ZNF398: variants seen among roughly 807,000 people sequenced by gnomAD.
ZNF398 encodes zinc finger DNA binding protein ZER6.
ZNF398 carries 18 observed loss-of-function variants against 41.9 expected under a neutral mutation model. The ratio of observed to expected loss-of-function variants is 0.43; its 90% CI spans 0.30 to 0.64. The LOEUF is 0.64. ZNF398 is among the 30% of genes least tolerant of loss of function. The probability of loss-of-function intolerance (pLI) is 0.14; values close to 1 mark genes in which losing one functional copy is unlikely to be tolerated. For synonymous variants in ZNF398, 260 were observed against 308.8 expected (o/e 0.84, Z 1.66); for missense variants, 669 against 822.8 (o/e 0.81, Z 2.29).
At position 149,176,539 on chromosome 7, in the gene ZNF398, C is replaced by G. The variant is rs746302037; in HGVS notation, c.733C>G (p.Pro245Ala). 1 of 1,612,774 alleles carries G rather than the reference C, an allele frequency of 6.2e-7. No individual in the cohort carries two copies. The highest frequency in any genetic ancestry group is 2.2e-5 in the East Asian group (1 of 44,858). The change falls in exon 5 of 6, where the codon CCG becomes GCG. Residue 245 changes from proline to alanine, a missense_variant. Physicochemically the swap from Pro to Ala is conservative, Grantham distance 27 (BLOSUM62 -1). Transcript: ENST00000475153. ...QEEEPQVGAPPESKESDVYKS... is the reference protein window; with the variant it reads ...QEEEPQVGAPAESKESDVYKS... ...AGAAGAGCCTCAGGTTGGGGCCCCA[C>G]CGGAGTCCAAGGAGAGTGACGTGTA...
At chr7:149,137,688 C>T (rs62505074) in intron 2 of ZNF398, among the ~76,000 whole-genome samples, 88,377 of 151,970 alleles carry the variant, frequency 0.58, 27,309 homozygotes, top group East Asian at 0.9. Context: ...CATGTAGATA[C>T]TTTTTATCAT....
intron 2 of ZNF398, among the ~76,000 whole-genome samples, chr7:149,137,735 A>C (rs755485986): frequency 6.6e-6 from 1 of 152,080 alleles, no homozygotes; most frequent in Non-Finnish European, 1.5e-5. Flanking sequence ...GTTTTGTGAG[A>C]GTTTTTATTG....
intron 4 of ZNF398, among the ~76,000 whole-genome samples, chr7:149,169,465 C>T (rs556521009): frequency 6.6e-6 from 1 of 152,304 alleles, no homozygotes; most frequent in African/African-American, 2.4e-5. Flanking sequence ...CAAGGTCTGG[C>T]TCTATTGCCC....
chr7:149,133,460 C>T (rs1185637897), intron 2 of ZNF398, among the ~76,000 whole-genome samples: 6 of 151,032 alleles, frequency 4.0e-5, no homozygotes, highest in African/African-American at 1.5e-4. Flanking sequence ...CTTCCTATCT[C>T]TTCCTGTGAT....
intron 4 of ZNF398, 129 bp downstream of exon 4, chr7:149,167,059 A>C: frequency 1.6e-6 from 1 of 618,520 alleles, no homozygotes; most frequent in Non-Finnish European, 2.8e-6. Context: ...TGAATGTGTC[A>C]TCAGGCATTT....
chr7:149,162,325 G>A (rs1333180158), intron 2 of ZNF398, among the ~76,000 whole-genome samples: 1 of 152,138 alleles, frequency 6.6e-6, no homozygotes, highest in African/African-American at 2.4e-5. Flanking sequence ...GGGACTACAG[G>A]CGCCTGCCAC....
At chr7:149,166,348 C>A in intron 3 of ZNF398, 64 bp downstream of exon 3, 1 of 1,586,406 alleles carries the variant, frequency 6.3e-7, no homozygotes, top group Middle Eastern at 1.7e-4. Flanking sequence ...CAGAACAGTC[C>A]CTTTTCCTCC....
rs1274840735 is a variant in ZNF398 at position 149,182,109 on chromosome 7, T to C, written c.*2308T>C. 6.6e-6 allele frequency: 1 copy of C among 152,152 alleles called. No homozygotes were observed. The highest frequency in any genetic ancestry group is 1.5e-5 in the Non-Finnish European group (1 of 68,032). 9.4% of individuals were successfully genotyped at this position (152,152 alleles called of 1,614,324 possible). ...ATTTGCCAAGAACACAGCTTATTAG[T>C]GAAAGAGACCTGTGGATTGAAATGG... On this transcript the variant is annotated 3_prime_UTR_variant, in exon 6 of 6. Coordinates refer to ENST00000475153, the MANE Select transcript of ZNF398 (RefSeq NM_170686.3).
chr7:149,128,235 C>T (rs1826525149), intron 1 of ZNF398, among the ~76,000 whole-genome samples: 1 of 152,108 alleles, frequency 6.6e-6, no homozygotes, highest in African/African-American at 2.4e-5. Context: ...AAAGTGTACA[C>T]TGGTTCTGTC....
At chr7:149,178,438 ATG>A (rs1795514954) in intron 5 of ZNF398, among the ~76,000 whole-genome samples, 1 of 152,192 alleles carries the variant, frequency 6.6e-6, no homozygotes, top group African/African-American at 2.4e-5. Context: ...GGGCAACAGA[ATG>A]TGATCCTGTC....
At chr7:149,164,268 G>A (rs1037433893) in intron 2 of ZNF398, among the ~76,000 whole-genome samples, 11 of 151,708 alleles carry the variant, frequency 7.3e-5, no homozygotes, top group African/African-American at 2.2e-4. Flanking sequence ...TTAGCCGGGC[G>A]TGGTGGTGGG....
chr7:149,168,166 C>T (rs1202450), intron 4 of ZNF398, among the ~76,000 whole-genome samples: 27,020 of 151,916 alleles, frequency 0.18, 2,761 homozygotes, highest in African/African-American at 0.27. Flanking sequence ...GCAACCTCCA[C>T]CTCCTGGATT....
At chr7:149,152,711 A>G (rs1174209199) in intron 1 of ZNF398, among the ~76,000 whole-genome samples, 2 of 151,788 alleles carry the variant, frequency 1.3e-5, no homozygotes, top group East Asian at 3.9e-4. Flanking sequence ...GATTACAGGC[A>G]TCTGCCACGA....
At position 149,166,909 on chromosome 7, in the gene ZNF398, A is replaced by G; in HGVS notation, c.640A>G (p.Ile214Val). The G allele has an allele frequency of 6.2e-7, 1 of 1,611,976 alleles. No homozygotes were observed. The highest frequency in any genetic ancestry group is 8.5e-7 in the Non-Finnish European group (1 of 1,178,548). Residue 214 changes from isoleucine (I) to valine (V), a missense_variant, in exon 4 of 6, where the codon ATT becomes GTT. By Grantham distance (29) the Ile-to-Val change is conservative. Coordinates refer to ENST00000475153, the MANE Select transcript of ZNF398 (RefSeq NM_170686.3). Reference protein sequence around the residue: ...EDQAGPEESEIPTDPSEEPGI... With the variant: ...EDQAGPEESEVPTDPSEEPGI... ...CCAGGCAGGGCCAGAGGAAAGTGAG[A>G]TTCCCACAGACCCCAGTGAAGGTAA...
Position 149,179,460 on chromosome 7 carries a change from C to T in ZNF398, c.1588C>T (p.Arg530Trp), listed in dbSNP as rs1301162799. The T allele has an allele frequency of 3.7e-6, 6 of 1,614,022 alleles. No individual in the cohort carries two copies. Among genetic ancestry groups the T allele is most frequent in the South Asian group, 1.1e-5 (1 of 91,092 alleles). The change falls in exon 6 of 6, where the codon CGG (arginine) becomes TGG (tryptophan). Residue 530 changes from arginine (R) to tryptophan (W), a missense_variant. Around this residue, in one of 3 missense-constraint regions of ZNF398, gnomAD observed 210 missense variants for 290.4 expected, o/e 0.72. Transcript: ENST00000475153. This position sits in a 1 kb window ranked among gnomAD's most constrained non-coding sequence, Gnocchi z 6.1. The part of the protein sequence containing the change: ...FMRKEHLLNH[R>W]RLHTGERPFS... ...GCGCAAGGAGCACCTGCTGAACCACCGGCGGCTGCACACAGGCGAGCGGCC... is the reference window on the plus strand; with the variant it reads ...GCGCAAGGAGCACCTGCTGAACCACTGGCGGCTGCACACAGGCGAGCGGCC...
intron 2 of ZNF398, among the ~76,000 whole-genome samples, chr7:149,164,998 G>A (rs1795196288): frequency 6.6e-6 from 1 of 151,956 alleles, no homozygotes; most frequent in South Asian, 2.1e-4. Flanking sequence ...GGAGGCTGAG[G>A]CAGGAGAATT....
chr7:149,173,849 A>C (rs1224421322), intron 4 of ZNF398, among the ~76,000 whole-genome samples: 1 of 139,190 alleles, frequency 7.2e-6, no homozygotes, highest in Non-Finnish European at 1.5e-5. Flanking sequence ...GCAGGAGTGC[A>C]ATGGCGCTAT....
chr7:149,129,645 G>A (rs527274815), intron 2 of ZNF398, among the ~76,000 whole-genome samples: 25 of 152,162 alleles, frequency 1.6e-4, no homozygotes, highest in South Asian at 8.3e-4. Context: ...CTCCCAAAGC[G>A]CTGGGATTAC....
intron 2 of ZNF398, among the ~76,000 whole-genome samples, chr7:149,136,545 A>G (rs1826717503): frequency 1.3e-5 from 2 of 151,910 alleles, no homozygotes; most frequent in Non-Finnish European, 2.9e-5. Flanking sequence ...TTGTTGAAAA[A>G]CTTTTTCTAT....
Sources: gnomAD v4.1 joint callset for allele counts (sites outside exome capture counted in the v4.1 genomes callset) on GRCh38, gnomAD v4.1.1 for gene constraint, gnomAD v4.1.1 regional missense constraint, Gnocchi (gnomAD v3.1) non-coding constraint, MANE v1.5 for transcripts, NCBI Gene and HGNC (gene_info 2026-07-23, HGNC 2026-07-21) for gene names.